Variants in NEGR1 observed in about 807,000 individuals in gnomAD.
NEGR1 encodes IgLON family member 4.
Under a neutral mutation model 40.9 loss-of-function variants are expected in NEGR1, and 10 were observed. That is an observed-to-expected ratio of 0.24 (90% confidence interval 0.15 to 0.42). The LOEUF is 0.42. Ranked by LOEUF, NEGR1 falls within the 10% of genes least tolerant of loss-of-function variation. The probability of loss-of-function intolerance (pLI) is 1.00; values close to 1 mark genes in which losing one functional copy is unlikely to be tolerated. For missense variants in NEGR1, 352 were observed against 438.9 expected (o/e 0.80, Z 1.77); for synonymous variants, 185 against 166.8 (o/e 1.11, Z -0.84).
chr1:72,242,066 T>A lies in NEGR1; in HGVS notation c.176+40253A>T, dbSNP rs1274741424. 4.6e-5 allele frequency among the ~76,000 whole-genome samples: 7 copies of A among 151,884 alleles called. No individual in the cohort carries two copies. In the South Asian group the frequency reaches 1.2e-3, roughly 27 times the overall value. Reference sequence around the variant, plus strand: ...GTGTTTTTCTAACACAAACTATTAATAAGGAGGTGATGACAAATACATTAA... The same window carrying A: ...GTGTTTTTCTAACACAAACTATTAAAAAGGAGGTGATGACAAATACATTAA... On this transcript the variant is annotated intron_variant, in intron 1 of 6. Transcript: ENST00000357731.
At chr1:71,563,771 A>T (rs1648532972) in intron 6 of NEGR1, among the ~76,000 whole-genome samples, 1 of 151,962 alleles carries the variant, frequency 6.6e-6, no homozygotes, top group African/African-American at 2.4e-5. Context: ...AAATAAATCT[A>T]GCATTTGTGA....
At chr1:71,749,980 G>C (rs1369742710) in intron 3 of NEGR1, among the ~76,000 whole-genome samples, 1 of 147,336 alleles carries the variant, frequency 6.8e-6, no homozygotes, top group African/African-American at 2.6e-5. Flanking sequence ...GAAATGGTTT[G>C]CTCCTTTCTT....
intron 3 of NEGR1, among the ~76,000 whole-genome samples, chr1:71,709,704 C>G (rs1032821293): frequency 1.3e-5 from 2 of 152,072 alleles, no homozygotes; most frequent in Admixed American, 6.6e-5. Context: ...TCAACATATA[C>G]AAAAAATCAA....
intron 1 of NEGR1, among the ~76,000 whole-genome samples, chr1:72,082,576 C>G (rs113068667): frequency 7.2e-5 from 11 of 151,874 alleles, no homozygotes; most frequent in Non-Finnish European, 1.6e-4. Flanking sequence ...ATCTTTTATC[C>G]TGATATTTTG....
chr1:72,094,181 A>C (rs984979814), intron 1 of NEGR1, among the ~76,000 whole-genome samples: 1 of 152,178 alleles, frequency 6.6e-6, no homozygotes, highest in Admixed American at 6.5e-5. Context: ...CTTAAAAAAT[A>C]AGCTCACAAA....
chr1:71,925,488 C>G (rs1253479652), intron 2 of NEGR1, among the ~76,000 whole-genome samples: 1 of 152,180 alleles, frequency 6.6e-6, no homozygotes, highest in Admixed American at 6.5e-5. Flanking sequence ...GCAAACTAAG[C>G]TTTGCCACCA....
Position 71,596,853 on chromosome 1 carries a change from T to A in NEGR1, c.789-3885A>T, listed in dbSNP as rs140695379. Among the ~76,000 whole-genome samples, 727 of 152,270 alleles carry A rather than the reference T, an allele frequency of 4.8e-3. 3 individuals are homozygous for A. The highest frequency in any genetic ancestry group is 0.016 in the African/African-American group (659 of 41,554). ...ATATTAAGAAGTATCAGACAACATT[T>A]TAAATATTAGAATAACTTGGAATAA... On this transcript the variant is annotated intron_variant, in intron 5 of 6. Coordinates refer to ENST00000357731, the MANE Select transcript of NEGR1 (RefSeq NM_173808.3).
intron 4 of NEGR1, among the ~76,000 whole-genome samples, chr1:71,615,226 C>CATTT (rs1433439813): frequency 6.6e-6 from 1 of 151,898 alleles, no homozygotes; most frequent in Non-Finnish European, 1.5e-5. Context: ...AGGATTCATC[C>CATTT]ATTTATTTAT....
At chr1:72,161,676 CTTT>C (rs779074685) in intron 1 of NEGR1, among the ~76,000 whole-genome samples, 107 of 84,548 alleles carry the variant, frequency 1.3e-3, no homozygotes, top group African/African-American at 1.1e-3. Context: ...TTCTTTCTTT[CTTT>C]TTTTTTTTTT....
chr1:71,611,534 T>A (rs368311242), intron 4 of NEGR1, among the ~76,000 whole-genome samples: 46 of 152,180 alleles, frequency 3.0e-4, no homozygotes, highest in African/African-American at 1.1e-3. Flanking sequence ...ATTCTCGATT[T>A]CCTCACAAAA....
chr1:72,185,014 C>T (rs1010215817), intron 1 of NEGR1, among the ~76,000 whole-genome samples: 8 of 151,886 alleles, frequency 5.3e-5, no homozygotes, highest in Non-Finnish European at 8.8e-5. Context: ...CCTCAAACAT[C>T]TTATTTTTAA....
At chr1:71,845,389 G>A (rs1046161948) in intron 2 of NEGR1, among the ~76,000 whole-genome samples, 1 of 152,040 alleles carries the variant, frequency 6.6e-6, no homozygotes, top group African/African-American at 2.4e-5. Flanking sequence ...ATCTTGAGAT[G>A]GGTAGGAGAT....
At chr1:71,697,830 T>C (rs1053001155) in intron 4 of NEGR1, 178 bp downstream of exon 4, 8 of 591,922 alleles carry the variant, frequency 1.4e-5, no homozygotes, top group African/African-American at 3.8e-5. Context: ...CTTGGGACAA[T>C]TGTTGTTACA....
chr1:71,630,939 T>C (rs1466960001), intron 4 of NEGR1, among the ~76,000 whole-genome samples: 1 of 151,966 alleles, frequency 6.6e-6, no homozygotes, highest in Non-Finnish European at 1.5e-5. Context: ...GTGCATTTTA[T>C]ATTTAATTAC....
chr1:72,110,341 A>G (rs1649312341), intron 1 of NEGR1, among the ~76,000 whole-genome samples: 1 of 151,468 alleles, frequency 6.6e-6, no homozygotes. Context: ...GTTGGGAATA[A>G]TTCTTTTAAT....
chr1:71,513,871 C>T (rs1218804907), intron 6 of NEGR1, among the ~76,000 whole-genome samples: 14 of 148,372 alleles, frequency 9.4e-5, no homozygotes, highest in South Asian at 6.6e-4. Context: ...GTGTGCGCAC[C>T]GTGCGCGAGC....
intron 2 of NEGR1, among the ~76,000 whole-genome samples, chr1:71,804,591 C>T (rs1428680520): frequency 6.6e-6 from 1 of 152,210 alleles, no homozygotes; most frequent in East Asian, 1.9e-4. Context: ...ATCTTTACTG[C>T]AATCTCTGAA....
At chr1:71,590,683 G>T (rs1034100005) in intron 6 of NEGR1, among the ~76,000 whole-genome samples, 1 of 152,150 alleles carries the variant, frequency 6.6e-6, no homozygotes, top group East Asian at 1.9e-4. Context: ...TTTGGATTTT[G>T]TGAGAATTAA....
chr1:71,552,513 T>G (rs547937098), intron 6 of NEGR1, among the ~76,000 whole-genome samples: 95 of 147,876 alleles, frequency 6.4e-4, no homozygotes, highest in East Asian at 1.4e-3. Context: ...TCTATATATA[T>G]AGAGAATATA....
Sources: gnomAD v4.1 joint callset for allele counts (sites outside exome capture counted in the v4.1 genomes callset) on GRCh38, gnomAD v4.1.1 for gene constraint, MANE v1.5 for transcripts, NCBI Gene and HGNC (gene_info 2026-07-23, HGNC 2026-07-21) for gene names.